Variants in ATOSA observed in about 807,000 individuals in gnomAD.
ATOSA encodes the protein atos homolog protein A.
At chr15:52,684,332 C>T in the ATOSA span, among the ~76,000 whole-genome samples, 9 of 152,202 alleles carry the variant, frequency 5.9e-5, no homozygotes, top group Admixed American at 2.0e-4. Flanking sequence ...GTCAGGAATT[C>T]GAGACCATCC....
At chr15:52,623,600 G>C in the ATOSA span, among the ~76,000 whole-genome samples, 1 of 152,016 alleles carries the variant, frequency 6.6e-6, no homozygotes, top group Non-Finnish European at 1.5e-5. Context: ...AGAATAGGAA[G>C]TTTCCAGGAG....
At chr15:52,693,236 A>G in the ATOSA span, among the ~76,000 whole-genome samples, 1 of 152,144 alleles carries the variant, frequency 6.6e-6, no homozygotes, top group Non-Finnish European at 1.5e-5. Flanking sequence ...CCTGGCCAAC[A>G]TGGAGAAACC....
chr15:52,637,490 G>A, the ATOSA span, among the ~76,000 whole-genome samples: 9 of 152,058 alleles, frequency 5.9e-5, no homozygotes, highest in African/African-American at 9.7e-5. Flanking sequence ...AGCCAAAAAC[G>A]TAGTAATTGA....
the ATOSA span, among the ~76,000 whole-genome samples, chr15:52,664,743 G>C: frequency 6.6e-6 from 1 of 152,180 alleles, no homozygotes; most frequent in East Asian, 1.9e-4. Flanking sequence ...AGGAGTTCCA[G>C]ACCTCGGCAA....
chr15:52,598,872 A>G, the ATOSA span, among the ~76,000 whole-genome samples: 10 of 152,104 alleles, frequency 6.6e-5, no homozygotes, highest in African/African-American at 2.4e-4. Context: ...TGTCCTTGCA[A>G]CAGTAGGTTC....
At chr15:52,701,675 C>A in the ATOSA span, among the ~76,000 whole-genome samples, 1 of 152,022 alleles carries the variant, frequency 6.6e-6, no homozygotes, top group East Asian at 1.9e-4. Context: ...TTCCTAACTA[C>A]GATTCAAAAT....
the ATOSA span, among the ~76,000 whole-genome samples, chr15:52,708,292 C>T: frequency 6.6e-6 from 1 of 152,080 alleles, no homozygotes. Context: ...CCTTCAGGTT[C>T]CAAAAGCACT....
chr15:52,659,585 C>T, the ATOSA span, among the ~76,000 whole-genome samples: 1 of 152,110 alleles, frequency 6.6e-6, no homozygotes, highest in African/African-American at 2.4e-5. Flanking sequence ...CATACAAGGA[C>T]CCATGTAAAT....
At chr15:52,657,507 A>C in the ATOSA span, 1 of 152,216 alleles carries the variant, frequency 6.6e-6, no homozygotes, top group Admixed American at 6.5e-5. Context: ...AAACTGAATT[A>C]GTTTTCCTCT....
At chr15:52,702,715 A>T in the ATOSA span, among the ~76,000 whole-genome samples, 1 of 150,660 alleles carries the variant, frequency 6.6e-6, no homozygotes, top group Non-Finnish European at 1.5e-5. Flanking sequence ...ATCATGCAGT[A>T]TACCCAGGTA....
At chr15:52,667,596 G>GTAGCA in the ATOSA span, among the ~76,000 whole-genome samples, 1 of 152,202 alleles carries the variant, frequency 6.6e-6, no homozygotes, top group Non-Finnish European at 1.5e-5. Flanking sequence ...GCCTTGGTTT[G>GTAGCA]TAGCACTGCC....
the ATOSA span, among the ~76,000 whole-genome samples, chr15:52,643,653 C>A: frequency 6.6e-6 from 1 of 151,430 alleles, no homozygotes; most frequent in African/African-American, 2.4e-5. Context: ...CAGTGGCTCA[C>A]GCCTGTAATC....
the ATOSA span, chr15:52,611,399 A>G: frequency 5.7e-6 from 7 of 1,224,590 alleles, no homozygotes; most frequent in Non-Finnish European, 7.8e-6. Context: ...TGTCACTTGA[A>G]GTCACAATTA....
the ATOSA span, among the ~76,000 whole-genome samples, chr15:52,688,462 G>T: frequency 6.6e-6 from 1 of 152,204 alleles, no homozygotes; most frequent in Non-Finnish European, 1.5e-5. Flanking sequence ...TGGCTGTAGG[G>T]AAAGAGGTCA....
At chr15:52,700,824 T>C in the ATOSA span, among the ~76,000 whole-genome samples, 1 of 152,250 alleles carries the variant, frequency 6.6e-6, no homozygotes, top group Non-Finnish European at 1.5e-5. Context: ...TACCTCAACA[T>C]ATATTTAACA....
chr15:52,678,111 G>A, the ATOSA span: 1 of 1,478,746 alleles, frequency 6.8e-7, no homozygotes, highest in Non-Finnish European at 9.5e-7. Flanking sequence ...CTTCTGCTTC[G>A]CTTTCAAAAT....
chr15:52,675,819 T>G, the ATOSA span, among the ~76,000 whole-genome samples: 5 of 150,800 alleles, frequency 3.3e-5, no homozygotes, highest in African/African-American at 1.2e-4. Flanking sequence ...GGCAGGAGAA[T>G]GGCGTGAACC....
chr15:52,694,045 C>T, the ATOSA span, among the ~76,000 whole-genome samples: 1 of 151,992 alleles, frequency 6.6e-6, no homozygotes, highest in Admixed American at 6.6e-5. Context: ...TTATACATAT[C>T]CTCCAAATAT....
At chr15:52,601,990 G>C in the ATOSA span, among the ~76,000 whole-genome samples, 1 of 152,274 alleles carries the variant, frequency 6.6e-6, no homozygotes, top group South Asian at 2.1e-4. Flanking sequence ...ATTCTGGAAA[G>C]TTCTCTGCCT....
Sources: gnomAD v4.1 joint callset for allele counts (sites outside exome capture counted in the v4.1 genomes callset) on GRCh38, gnomAD v4.1.1 for gene constraint, MANE v1.5 for transcripts, NCBI Gene and HGNC (gene_info 2026-07-23, HGNC 2026-07-21) for gene names.